The following PLCE1 variants were observed in gnomAD, a reference collection of about 807,000 sequenced individuals.
PLCE1 encodes 1-phosphatidylinositol 4,5-bisphosphate phosphodiesterase epsilon-1.
Under a neutral mutation model 242.8 loss-of-function variants are expected in PLCE1, and 119 were observed. That is an observed-to-expected ratio of 0.49 (90% CI 0.42 to 0.57). The LOEUF is 0.57. PLCE1 is among the 20% of genes least tolerant of loss of function. The probability of loss-of-function intolerance (pLI) is 0.00; values close to 1 mark genes in which losing one functional copy is unlikely to be tolerated. For synonymous variants in PLCE1, 945 were observed against 1,017.4 expected (o/e 0.93, Z 1.35); for missense variants, 2,441 against 2,788.8 (o/e 0.88, Z 2.81).
intron 1 of PLCE1, among the ~76,000 whole-genome samples, chr10:94,019,050 CT>C (rs377682432): frequency 1.0e-3 from 155 of 152,236 alleles, no homozygotes; most frequent in South Asian, 2.5e-3. Flanking sequence ...AAAGGTACTA[CT>C]TTTTGAGAGA....
intron 1 of PLCE1, among the ~76,000 whole-genome samples, chr10:94,000,694 G>T (rs542561184): frequency 1.1e-4 from 16 of 152,310 alleles, no homozygotes; most frequent in African/African-American, 2.9e-4. Flanking sequence ...TGTTGCAGCT[G>T]CAGGTCTTAC....
intron 24 of PLCE1, among the ~76,000 whole-genome samples, chr10:94,303,564 A>T (rs888329543): frequency 1.3e-5 from 2 of 152,184 alleles, no homozygotes; most frequent in African/African-American, 2.4e-5. Flanking sequence ...ATTGTAATTT[A>T]TGGGATGAAA....
intron 2 of PLCE1, among the ~76,000 whole-genome samples, chr10:94,045,601 T>C (rs1367546554): frequency 6.6e-6 from 1 of 152,222 alleles, no homozygotes; most frequent in Admixed American, 6.5e-5. Flanking sequence ...TAAAATATTA[T>C]AAAAAATACA....
At chr10:93,995,258 A>G (rs75338346) in intron 1 of PLCE1, among the ~76,000 whole-genome samples, 2,845 of 152,314 alleles carry the variant, frequency 0.019, 46 homozygotes, top group African/African-American at 0.045. Flanking sequence ...ATGTCTTCAT[A>G]AATACTTTTC....
chr10:94,171,174 T>C lies in PLCE1; in HGVS notation c.1493-6T>C, dbSNP rs764407350. 6.2e-7 allele frequency: 1 copy of C among 1,613,848 alleles called. No individual in the cohort carries two copies. Among genetic ancestry groups the C allele is most frequent in the South Asian group, 1.1e-5 (1 of 91,072 alleles). Reference sequence around the variant, plus strand: ...TGTAACCACGACTTCTGTTGCTTTGTTTTAGAACGCCAGCCAGGCCCCTCT... The same window carrying C: ...TGTAACCACGACTTCTGTTGCTTTGCTTTAGAACGCCAGCCAGGCCCCTCT... On this transcript the variant is annotated splice_polypyrimidine_tract_variant and splice_region_variant and intron_variant, in intron 3 of 32. Coordinates refer to ENST00000371380, the MANE Select transcript of PLCE1 (RefSeq NM_016341.4).
chr10:94,307,908 A>C (rs1272554422), intron 26 of PLCE1, among the ~76,000 whole-genome samples: 1 of 152,196 alleles, frequency 6.6e-6, no homozygotes, highest in Non-Finnish European at 1.5e-5. Context: ...AAACAAAAAC[A>C]ATTTTTTTTT....
intron 4 of PLCE1, among the ~76,000 whole-genome samples, chr10:94,205,257 A>G (rs1294978019): frequency 1.3e-5 from 2 of 152,220 alleles, no homozygotes; most frequent in East Asian, 3.8e-4. Context: ...GAGAGGGCCA[A>G]GAAATTTTAT....
At chr10:94,110,212 G>A (rs1156288861) in intron 2 of PLCE1, among the ~76,000 whole-genome samples, 3 of 151,528 alleles carry the variant, frequency 2.0e-5, no homozygotes, top group Non-Finnish European at 4.4e-5. Context: ...ACAGGCACCT[G>A]CCACCACGCC....
At chr10:94,212,089 A>G (rs2049350753) in intron 4 of PLCE1, among the ~76,000 whole-genome samples, 1 of 152,094 alleles carries the variant, frequency 6.6e-6, no homozygotes, top group Non-Finnish European at 1.5e-5. Flanking sequence ...CCTTTTGTTT[A>G]TTTATTTAGG....
chr10:94,000,375 G>T (rs1428949431), intron 1 of PLCE1, among the ~76,000 whole-genome samples: 2 of 152,076 alleles, frequency 1.3e-5, no homozygotes, highest in Non-Finnish European at 2.9e-5. Flanking sequence ...GGCCTGTTTG[G>T]GCCTAAGCAT....
In PLCE1 at chr10:94,259,098, C is replaced by G. The variant is rs2051203279; in HGVS notation, c.3762C>G (p.Leu1254=). 1 of 1,613,954 alleles carries G rather than the reference C, an allele frequency of 6.2e-7. No individual in the cohort carries two copies. Among genetic ancestry groups the G allele is most frequent in the Non-Finnish European group, 8.5e-7 (1 of 1,179,972 alleles). ...CNRSGSESAP[L]YTNLTIDENT... is the part of the protein sequence containing the mutation. Reference sequence around the variant, plus strand: ...GATCTGGCTCCGAGTCAGCCCCACTCTACACCAACCTGACAATTGATGAAA... The same window carrying G: ...GATCTGGCTCCGAGTCAGCCCCACTGTACACCAACCTGACAATTGATGAAA... The change falls in exon 13 of 33, where the codon CTC becomes CTG. Residue 1254 remains leucine, a synonymous_variant. Coordinates refer to ENST00000371380, the MANE Select transcript of PLCE1 (RefSeq NM_016341.4).
At chr10:94,189,498 A>G (rs1266415089) in intron 4 of PLCE1, among the ~76,000 whole-genome samples, 2 of 152,142 alleles carry the variant, frequency 1.3e-5, no homozygotes, top group Non-Finnish European at 1.5e-5. Context: ...AAAGATATAG[A>G]TGCCAGGAAG....
intron 2 of PLCE1, among the ~76,000 whole-genome samples, chr10:94,110,050 T>TC (rs2045895971): frequency 9.8e-6 from 1 of 101,550 alleles, no homozygotes; most frequent in Non-Finnish European, 2.0e-5. Flanking sequence ...TTCCTTTTTT[T>TC]CTTTTTTCTT....
chr10:94,111,636 G>A (rs2045958886), intron 2 of PLCE1, among the ~76,000 whole-genome samples: 2 of 148,704 alleles, frequency 1.3e-5, no homozygotes. Context: ...AGGGCCGTGG[G>A]TCTAGACTGA....
rs374851108 is a variant in PLCE1, at chr10:94,210,409, G to T, written c.1810-16897G>T. ...ATCAGACCCCTAGGCTCCCAAACAG[G>T]TCTGTCACTTTTACAGGAACTGTCA... On this transcript the variant is annotated intron_variant, in intron 4 of 32. Coordinates refer to ENST00000371380, the MANE Select transcript of PLCE1 (RefSeq NM_016341.4). Among the ~76,000 whole-genome samples, 53 of 152,106 alleles carry T rather than the reference G, an allele frequency of 3.5e-4. 1 individual carries two copies. The highest frequency in any genetic ancestry group is 1.2e-3 in the African/African-American group (51 of 41,510).
At chr10:94,162,464 C>G (rs1035026115) in intron 3 of PLCE1, among the ~76,000 whole-genome samples, 4 of 152,180 alleles carry the variant, frequency 2.6e-5, no homozygotes, top group African/African-American at 9.7e-5. Context: ...ATAGTATTCT[C>G]TGATGGTAGT....
intron 2 of PLCE1, chr10:94,106,943 T>TCTCC (rs1222191133): frequency 1.6e-4 from 20 of 122,544 alleles, no homozygotes; most frequent in African/African-American, 6.3e-4. Context: ...TCTCTCTCTC[T>TCTCC]CCCCCTCCCC....
chr10:94,260,059 T>C (rs2051243904), intron 13 of PLCE1, among the ~76,000 whole-genome samples: 1 of 152,116 alleles, frequency 6.6e-6, no homozygotes, highest in Non-Finnish European at 1.5e-5. Context: ...GGAGCTACAA[T>C]TCAAGATGAA....
chr10:94,326,872 G>T (rs114371209), intron 32 of PLCE1, among the ~76,000 whole-genome samples: 419 of 152,246 alleles, frequency 2.8e-3, no homozygotes, highest in African/African-American at 9.1e-3. Context: ...TAAAGCTGGG[G>T]AGGCCTGGCC....
Sources: gnomAD v4.1 joint callset for allele counts (sites outside exome capture counted in the v4.1 genomes callset) on GRCh38, gnomAD v4.1.1 for gene constraint, MANE v1.5 for transcripts, NCBI Gene and HGNC (gene_info 2026-07-23, HGNC 2026-07-21) for gene names.